Variants in SNAP25 observed in about 807,000 individuals in gnomAD.
SNAP25 encodes synaptosomal-associated protein 25.
SNAP25 carries 3 observed loss-of-function variants against 28.7 expected under a neutral mutation model. The observed-to-expected ratio is 0.10, with a 90% CI of 0.05 to 0.27. The LOEUF is 0.27. Ranked by LOEUF, SNAP25 falls within the 10% of genes least tolerant of loss-of-function variation. SNAP25 has a pLI of 1.00. For missense variants in SNAP25, 117 were observed against 278.7 expected (o/e 0.42, Z 4.13); for synonymous variants, 61 against 88.1 (o/e 0.69, Z 1.72).
At chr20:10,243,990 T>C (rs1027244979) in intron 1 of SNAP25, among the ~76,000 whole-genome samples, 3 of 152,208 alleles carry the variant, frequency 2.0e-5, no homozygotes, top group Admixed American at 6.5e-5. Flanking sequence ...TGCAGACCCC[T>C]CAGTTCCCTG....
At chr20:10,305,608 G>C (rs897536591) in intron 7 of SNAP25, among the ~76,000 whole-genome samples, 1 of 152,024 alleles carries the variant, frequency 6.6e-6, no homozygotes, top group African/African-American at 2.4e-5. Context: ...GATGTCCAAG[G>C]GTCCACTGTA....
intron 1 of SNAP25, among the ~76,000 whole-genome samples, chr20:10,259,864 G>T (rs1321173162): frequency 6.6e-6 from 1 of 152,152 alleles, no homozygotes; most frequent in Non-Finnish European, 1.5e-5. Flanking sequence ...AGTGACCTGG[G>T]TTTGTGTCAT....
chr20:10,238,809 G>A (rs186451747), intron 1 of SNAP25, among the ~76,000 whole-genome samples: 35 of 152,204 alleles, frequency 2.3e-4, no homozygotes, highest in South Asian at 4.2e-4. Flanking sequence ...GGAGGCTGAG[G>A]CAGGAGAATC....
chr20:10,296,369 ATCCTTT>A (rs2064110121), intron 5 of SNAP25: 1 of 156,632 alleles, frequency 6.4e-6, no homozygotes, highest in Non-Finnish European at 1.4e-5. Flanking sequence ...CCAACCACCA[ATCCTTT>A]ATGTCCTTCA....
intron 1 of SNAP25, among the ~76,000 whole-genome samples, chr20:10,237,458 C>T (rs1014028904): frequency 2.6e-5 from 4 of 152,152 alleles, no homozygotes; most frequent in African/African-American, 7.2e-5. Context: ...ACAGAAAAGG[C>T]GAGTGCCAAG....
chr20:10,221,663 T>C (rs8118466), intron 1 of SNAP25, among the ~76,000 whole-genome samples: 5,133 of 152,320 alleles, frequency 0.034, 89 homozygotes, highest in Middle Eastern at 0.058. Flanking sequence ...ACAATTTTAT[T>C]TTTACTTTGT....
intron 1 of SNAP25, among the ~76,000 whole-genome samples, chr20:10,253,469 G>A (rs942299939): frequency 2.6e-5 from 4 of 152,104 alleles, no homozygotes; most frequent in Admixed American, 1.3e-4. Flanking sequence ...TATAAAATGG[G>A]GATGATGAAG....
At chr20:10,289,504 A>G (rs990753006) in intron 4 of SNAP25, among the ~76,000 whole-genome samples, 6 of 152,004 alleles carry the variant, frequency 3.9e-5, no homozygotes, top group Non-Finnish European at 7.4e-5. Flanking sequence ...TAAAAGGTTC[A>G]TGGCACTACA....
At chr20:10,264,918 CTTTT>C (rs958711328) in intron 1 of SNAP25, among the ~76,000 whole-genome samples, 79 of 117,122 alleles carry the variant, frequency 6.7e-4, no homozygotes, top group African/African-American at 2.6e-3. Context: ...TCAGACCATG[CTTTT>C]TTTTTTTTTT....
intron 1 of SNAP25, among the ~76,000 whole-genome samples, chr20:10,272,134 G>A (rs140282945): frequency 4.6e-5 from 7 of 152,236 alleles, no homozygotes; most frequent in Non-Finnish European, 5.9e-5. Flanking sequence ...AACAAATACC[G>A]GGTTTGTTCC....
intron 1 of SNAP25, among the ~76,000 whole-genome samples, chr20:10,227,896 A>G (rs1280329666): frequency 3.9e-5 from 6 of 152,020 alleles, no homozygotes; most frequent in African/African-American, 1.2e-4. Context: ...AGGGTCACAT[A>G]TTTGCTGCTG....
chr20:10,299,127 A>T, intron 6 of SNAP25, 141 bp from the exon 7 acceptor site: 1 of 916,948 alleles, frequency 1.1e-6, no homozygotes, highest in Non-Finnish European at 1.6e-6. Flanking sequence ...GAAAGCTAAA[A>T]TGTGTTTTTG....
chr20:10,300,006 G>A (rs1440902075), intron 7 of SNAP25, among the ~76,000 whole-genome samples: 3 of 152,176 alleles, frequency 2.0e-5, no homozygotes, highest in African/African-American at 7.2e-5. Context: ...AAATGCCAAA[G>A]CTTTAATGAG....
chr20:10,298,301 C>T (rs1429573897), intron 6 of SNAP25, among the ~76,000 whole-genome samples: 1 of 152,176 alleles, frequency 6.6e-6, no homozygotes, highest in African/African-American at 2.4e-5. Context: ...TTCTTCCCTA[C>T]AGGAAAAAGC....
intron 1 of SNAP25, among the ~76,000 whole-genome samples, chr20:10,258,877 C>G (rs1383859600): frequency 6.6e-6 from 1 of 152,034 alleles, no homozygotes; most frequent in Non-Finnish European, 1.5e-5. Flanking sequence ...TTTTTGTTAC[C>G]CCTCTCTGTG....
chr20:10,220,909 G>GT (rs1393962927), intron 1 of SNAP25, among the ~76,000 whole-genome samples: 8 of 151,958 alleles, frequency 5.3e-5, no homozygotes, highest in Admixed American at 2.0e-4. Flanking sequence ...ATTTCCTAGT[G>GT]TTTTTTCTTT....
chr20:10,263,009 C>CTTTTTT (rs57690835), intron 1 of SNAP25, among the ~76,000 whole-genome samples: 1,631 of 50,658 alleles, frequency 0.032, 296 homozygotes, highest in Non-Finnish European at 0.045. Context: ...CTGGGGTGCT[C>CTTTTTT]TTTTTTTTTT....
Position 10,255,099 on chromosome 20 carries a change from T to G in SNAP25, c.-63-20330T>G, listed in dbSNP as rs57299081. ...ATCAGGGCAGCCCATAGCCTAGACT[T>G]TGGGTAAGAAAAATATCTGAAAATT... On this transcript the variant is annotated intron_variant, in intron 1 of 7. Transcript: ENST00000254976. 4.3e-3 allele frequency among the ~76,000 whole-genome samples: 650 copies of G among 152,186 alleles called. 5 individuals carry two copies. The highest frequency in any genetic ancestry group is 0.015 in the African/African-American group (615 of 41,540).
chr20:10,289,183 G>A (rs148509535), intron 4 of SNAP25, among the ~76,000 whole-genome samples: 5 of 152,136 alleles, frequency 3.3e-5, no homozygotes, highest in East Asian at 3.9e-4. Flanking sequence ...CCCAGGTATC[G>A]GGAGACACCA....
Sources: gnomAD v4.1 joint callset for allele counts (sites outside exome capture counted in the v4.1 genomes callset) on GRCh38, gnomAD v4.1.1 for gene constraint, MANE v1.5 for transcripts, NCBI Gene and HGNC (gene_info 2026-07-23, HGNC 2026-07-21) for gene names.